DYSF: variants seen among roughly 807,000 people sequenced by gnomAD.
DYSF encodes dystrophy-associated fer-1-like 1.
Under a neutral mutation model 274.9 loss-of-function variants are expected in DYSF, and 212 were observed. The observed-to-expected ratio is 0.77, with a 90% CI of 0.69 to 0.86. DYSF has a LOEUF of 0.86. Ranked by LOEUF, DYSF falls within the 40% of genes least tolerant of loss-of-function variation. The pLI is 0.00. For synonymous variants in DYSF, 1,091 were observed against 1,078.7 expected, an observed-to-expected ratio of 1.01 and a Z score of -0.22; for missense variants, 2,666 against 2,783.2, an observed-to-expected ratio of 0.96 and a Z score of 0.95.
chr2:71,485,283 T>C lies in DYSF; in HGVS notation c.239+3313T>C, dbSNP rs191950098. ...AGAATTTTGGCTCCATGGCTGGGCA[T>C]TGTGGCTCATACCTGTAATCCCAGC... On this transcript the variant is annotated intron_variant, in intron 3 of 55. Transcript: ENST00000410020. Among the ~76,000 whole-genome samples, 11 of 152,272 alleles carry C rather than the reference T, an allele frequency of 7.2e-5. No homozygotes were observed. The East Asian group carries it at 1.9e-3, about 27-fold the overall frequency.
Position 71,664,140 on chromosome 2 carries a change from G to A in DYSF, c.5004-128G>A. 7 of 1,170,206 alleles carry A rather than the reference G, an allele frequency of 6.0e-6. No individual in the cohort carries two copies. In the East Asian group the frequency reaches 1.7e-4, roughly 29 times the overall value. The allele number at this position is 1,170,206 out of a possible 1,614,324, so 72.5% of individuals were successfully genotyped here. A position where few individuals can be genotyped will look rare whatever the true frequency, so the allele number is the denominator to read the frequency against. ...AGTACAGCAGTGCTGTGGGTGGTTG[G>A]GCCTGTAAGATCTGTAGGGGGCCCA... On this transcript the variant is annotated intron_variant, in intron 45 of 55. Coordinates refer to ENST00000410020, the MANE Select transcript of DYSF (RefSeq NM_001130987.2).
chr2:71,598,322 C>G (rs913626979), intron 32 of DYSF, among the ~76,000 whole-genome samples: 16 of 152,372 alleles, frequency 1.1e-4, no homozygotes, highest in African/African-American at 3.6e-4. Flanking sequence ...AGGGGATGCT[C>G]TCTGGATCTT....
chr2:71,499,583 C>T (rs1026159075), intron 3 of DYSF, among the ~76,000 whole-genome samples: 4 of 152,224 alleles, frequency 2.6e-5, no homozygotes, highest in Non-Finnish European at 5.9e-5. Context: ...TTCTGCCATA[C>T]GGCAGTAGTA....
chr2:71,499,548 T>TG (rs2084764502), intron 3 of DYSF, among the ~76,000 whole-genome samples: 2 of 152,250 alleles, frequency 1.3e-5, no homozygotes, highest in East Asian at 3.8e-4. Flanking sequence ...GGCTAAGGTT[T>TG]GGGGGCCACC....
chr2:71,569,698 C>A (rs1471808664), intron 26 of DYSF, 122 bp from the exon 27 acceptor site: 21 of 804,904 alleles, frequency 2.6e-5, no homozygotes, highest in Non-Finnish European at 4.4e-5. Flanking sequence ...CCCCACCCCC[C>A]ATGTCTCTCA....
chr2:71,524,660 G>C (rs1379535323), intron 12 of DYSF, among the ~76,000 whole-genome samples: 1 of 152,194 alleles, frequency 6.6e-6, no homozygotes, highest in Non-Finnish European at 1.5e-5. Context: ...TCCCTTCGCT[G>C]CTCGCTAGCC....
At chr2:71,569,222 G>C (rs1025593801) in intron 26 of DYSF, among the ~76,000 whole-genome samples, 3 of 152,188 alleles carry the variant, frequency 2.0e-5, no homozygotes, top group African/African-American at 7.2e-5. Context: ...CACTGGGTGT[G>C]GCCCCATCCT....
chr2:71,536,544 G>A (rs951661247), intron 16 of DYSF, among the ~76,000 whole-genome samples: 3 of 152,260 alleles, frequency 2.0e-5, no homozygotes, highest in African/African-American at 2.4e-5. Flanking sequence ...TGAGCTGTGC[G>A]TGTCTCTGCG....
chr2:71,653,272 A>G (rs2152933732), intron 42 of DYSF, among the ~76,000 whole-genome samples: 1 of 152,326 alleles, frequency 6.6e-6, no homozygotes, highest in Admixed American at 6.5e-5. Context: ...GGGATCTAGA[A>G]CTAGAAATAC....
chr2:71,575,093 C>T (rs1389113007), intron 30 of DYSF, among the ~76,000 whole-genome samples: 1 of 152,134 alleles, frequency 6.6e-6, no homozygotes, highest in Non-Finnish European at 1.5e-5. Context: ...GGAGCAAGCC[C>T]CATGGGACGT....
intron 49 of DYSF, 123 bp downstream of exon 49, chr2:71,668,965 C>T: frequency 7.5e-7 from 1 of 1,328,248 alleles, no homozygotes; most frequent in Non-Finnish European, 1.1e-6. Context: ...CCATGGAATA[C>T]AGTTCTCGTT....
At chr2:71,464,830 C>T (rs578150011), upstream of DYSF, among the ~76,000 whole-genome samples, 6 of 152,120 alleles carry the variant, frequency 3.9e-5, no homozygotes, top group Middle Eastern at 3.4e-3. Context: ...TCCATGGAGT[C>T]GATTAAATGA....
rs762226707 is a variant in DYSF, at chr2:71,564,072, G to T, written c.2424G>T (p.Leu808=). The T allele has an allele frequency of 3.0e-5, 49 of 1,614,070 alleles. No homozygotes were observed. Among genetic ancestry groups the T allele is most frequent in the Non-Finnish European group, 4.1e-5 (48 of 1,180,026 alleles). The change falls in exon 24 of 56, where the codon CTG becomes CTT. Residue 808 remains leucine, a synonymous_variant. Coordinates refer to ENST00000410020, the MANE Select transcript of DYSF (RefSeq NM_001130987.2). ...CCTCTGTTCAGCCCCAGAACAGCCT[G>T]CCGGACATCGTCATCTGGATGCTGC... ...RALAEEPQNS[L]PDIVIWMLQG...
chr2:71,553,561 A>G (rs1460421592), intron 20 of DYSF, among the ~76,000 whole-genome samples: 1 of 152,186 alleles, frequency 6.6e-6, no homozygotes, highest in African/African-American at 2.4e-5. Flanking sequence ...CTGTCTGCTC[A>G]ACTCACGAAG....
intron 38 of DYSF, 147 bp downstream of exon 38, chr2:71,611,773 T>C: frequency 9.0e-7 from 1 of 1,114,232 alleles, no homozygotes; most frequent in Non-Finnish European, 1.3e-6. Context: ...GGAGAAATGC[T>C]CATACCCTCC....
chr2:71,588,281 G>T (rs950718004), intron 30 of DYSF, among the ~76,000 whole-genome samples: 1 of 152,190 alleles, frequency 6.6e-6, no homozygotes, highest in African/African-American at 2.4e-5. Context: ...TCAGGCCGAG[G>T]AGCTGCATAG....
intron 47 of DYSF, among the ~76,000 whole-genome samples, chr2:71,665,817 C>A (rs2094991869): frequency 6.6e-6 from 1 of 152,158 alleles, no homozygotes; most frequent in African/African-American, 2.4e-5. Context: ...CAGTCCTGCC[C>A]AGGGTCCTGC....
chr2:71,533,541 C>T (rs2088979317), intron 14 of DYSF, among the ~76,000 whole-genome samples: 3 of 152,198 alleles, frequency 2.0e-5, no homozygotes, highest in African/African-American at 7.2e-5. Flanking sequence ...TGTTCCAAAT[C>T]CTTGCTAGTT....
At position 71,652,966 on chromosome 2, in the gene DYSF, A is replaced by T. The variant is rs1020407657; in HGVS notation, c.4627-3196A>T. On this transcript the variant is annotated intron_variant, in intron 42 of 55. Transcript: ENST00000410020. The stretch of plus-strand genomic sequence containing the variant: ...AATTCTTGCCTCACGCTGGGTACCA[A>T]ATTGAATTGAGTGTTGAATAATCTT... Among the ~76,000 whole-genome samples the T allele has an allele frequency of 2.8e-4, 42 of 152,242 alleles. 1 individual carries two copies. Among genetic ancestry groups the T allele is most frequent in the Admixed American group, 2.7e-3 (42 of 15,284 alleles).
Sources: allele counts gnomAD v4.1 joint callset (sites outside exome capture counted in the v4.1 genomes callset), GRCh38; gene constraint gnomAD v4.1.1; transcripts MANE v1.5; gene names NCBI Gene and HGNC (gene_info 2026-07-23, HGNC 2026-07-21).